The following NEMP2 variants were observed in gnomAD, a reference collection of about 807,000 sequenced individuals.
The protein encoded by NEMP2 is nuclear envelope integral membrane protein 2.
NEMP2 carries 53 observed loss-of-function variants against 54.2 expected under a neutral mutation model. The observed-to-expected ratio is 0.98, with a 90% CI of 0.78 to 1.23. NEMP2 has a LOEUF of 1.23. Ranked by LOEUF, NEMP2 falls within the 50% of genes most tolerant of loss-of-function variation. NEMP2 has a pLI of 0.00. For missense variants in NEMP2, 455 were observed against 511.3 expected (o/e 0.89, Z 1.06); for synonymous variants, 197 against 190.3 (o/e 1.04, Z -0.29).
upstream of NEMP2, chr2:190,536,047 G>A (rs1226127340): frequency 6.6e-6 from 1 of 152,192 alleles, no homozygotes; most frequent in African/African-American, 2.4e-5. Context: ...AAACAAAAGG[G>A]CAGGCAGCAA....
the NEMP2 span, among the ~76,000 whole-genome samples, chr2:190,634,077 AAAAAG>A: frequency 6.6e-6 from 1 of 152,254 alleles, no homozygotes; most frequent in Non-Finnish European, 1.5e-5. This position sits in a 1 kb window ranked among gnomAD's most constrained non-coding sequence, Gnocchi z 6.8. Context: ...GTGTCTTAAA[AAAAAG>A]AAAAGTATCA....
the NEMP2 span, among the ~76,000 whole-genome samples, chr2:190,643,730 C>A: frequency 6.6e-6 from 1 of 152,120 alleles, no homozygotes; most frequent in South Asian, 2.1e-4. Context: ...AGTTCGAGAC[C>A]AGTCTGGCCA....
In NEMP2 at chr2:190,507,258, T is replaced by C. The variant is rs1166534395; in HGVS notation, c.*1931A>G. 5 of 152,192 alleles carry C rather than the reference T, an allele frequency of 3.3e-5. No homozygotes were observed. The highest frequency in any genetic ancestry group is 3.3e-4 in the Admixed American group (5 of 15,274). The allele number at this position is 152,192 out of a possible 1,614,324, so 9.4% of individuals were successfully genotyped here. A position where few individuals can be genotyped will look rare whatever the true frequency, so the allele number is the denominator to read the frequency against. Reference sequence around the variant, plus strand: ...AGGACTGCTGTTGTTCTTCTCTCTTTGGCTGTTTTTACTGTGATGGTTACA... The same window carrying C: ...AGGACTGCTGTTGTTCTTCTCTCTTCGGCTGTTTTTACTGTGATGGTTACA... On this transcript the variant is annotated 3_prime_UTR_variant, in exon 9 of 9. Transcript: ENST00000409150. The surrounding 1 kb of genome is among the most constrained non-coding windows in gnomAD (Gnocchi z 4.4).
At chr2:190,460,493 A>G in the NEMP2 span, among the ~76,000 whole-genome samples, 1 of 152,200 alleles carries the variant, frequency 6.6e-6, no homozygotes, top group Non-Finnish European at 1.5e-5. Context: ...GTTAATTGAT[A>G]TTCTATTTGA....
chr2:190,629,837 AG>A, the NEMP2 span: 1 of 152,246 alleles, frequency 6.6e-6, no homozygotes, highest in Non-Finnish European at 1.5e-5. Context: ...TGCAGACAAA[AG>A]GAGAGCTTTT....
Position 190,525,314 on chromosome 2 carries a change from G to A in NEMP2, c.162C>T (p.Cys54=). The change falls in exon 2 of 9, where the codon TGC becomes TGT. Residue 54 remains cysteine (C), a synonymous_variant. Transcript: ENST00000409150. The surrounding 1 kb of genome is among the most constrained non-coding windows in gnomAD (Gnocchi z 5.0). ...LIRTSESDCY[C]YNQNSQVEWK... is the part of the protein sequence containing the mutation. ...ACTCCACTTGGGAATTTTGATTGTA[G>A]CAGTAACAGTCTGACTCAGACGTTC... The A allele has an allele frequency of 6.4e-7, 1 of 1,550,558 alleles. No individual in the cohort carries two copies. The highest frequency in any genetic ancestry group is 8.7e-7 in the Non-Finnish European group (1 of 1,146,270).
the NEMP2 span, among the ~76,000 whole-genome samples, chr2:190,494,353 A>T: frequency 3.3e-5 from 5 of 152,154 alleles, no homozygotes; most frequent in African/African-American, 4.8e-5. This position sits in a 1 kb window ranked among gnomAD's most constrained non-coding sequence, Gnocchi z 5.7. Flanking sequence ...TGAATCAGTA[A>T]TAAAAAAATT....
the NEMP2 span, among the ~76,000 whole-genome samples, chr2:190,565,343 C>A: frequency 2.4e-4 from 36 of 152,316 alleles, no homozygotes; most frequent in Admixed American, 1.0e-3. Context: ...AATCAGGGAA[C>A]TAACCCCTAG....
chr2:190,458,412 C>T, the NEMP2 span, among the ~76,000 whole-genome samples: 21,460 of 152,096 alleles, frequency 0.14, 1,713 homozygotes, highest in Middle Eastern at 0.21. The surrounding 1 kb of genome is among the most constrained non-coding windows in gnomAD (Gnocchi z 5.3). Context: ...TGTCTGCAAG[C>T]CAACGAGAGG....
the NEMP2 span, among the ~76,000 whole-genome samples, chr2:190,478,909 G>A: frequency 2.0e-5 from 3 of 152,024 alleles, no homozygotes; most frequent in African/African-American, 7.2e-5. Context: ...ACGAGAACTA[G>A]TACTGTCTAG....
chr2:190,552,617 G>A, the NEMP2 span, among the ~76,000 whole-genome samples: 14 of 152,142 alleles, frequency 9.2e-5, no homozygotes, highest in South Asian at 2.5e-3. Flanking sequence ...CTACTTGGGA[G>A]GCTGAGGCAG....
chr2:190,570,489 C>G, the NEMP2 span, among the ~76,000 whole-genome samples: 13 of 152,340 alleles, frequency 8.5e-5, no homozygotes, highest in Non-Finnish European at 1.6e-4. The surrounding 1 kb of genome is among the most constrained non-coding windows in gnomAD (Gnocchi z 5.4). Context: ...TTCCTTTCAG[C>G]TTTTGCTCTT....
At chr2:190,455,008 T>C in the NEMP2 span, among the ~76,000 whole-genome samples, 1 of 137,930 alleles carries the variant, frequency 7.3e-6, no homozygotes, top group Admixed American at 7.2e-5. Context: ...ATAATGTATA[T>C]GTATATGTAT....
In NEMP2 at chr2:190,510,388, A is replaced by G; in HGVS notation, c.1103T>C (p.Val368Ala). ...GCTAGGAGTGTGGAGTCTGGAGACG[A>G]CCAGCCATGAGGGAAAGTCGGGTTT... is the stretch of plus-strand genomic sequence containing the variant. Reference protein sequence around the residue: ...CRKPDFPSWLVVSRLHTPSKF... With the variant: ...CRKPDFPSWLAVSRLHTPSKF... Residue 368 changes from valine (V) to alanine (A), a missense_variant, in exon 8 of 9, where the codon GTC (valine) becomes GCC (alanine). Val to Ala is a moderately conservative substitution (Grantham distance 64). Around this residue, in one of 3 missense-constraint regions of NEMP2, gnomAD observed 294 missense variants for 333.6 expected, o/e 0.88. Transcript: ENST00000409150. The surrounding 1 kb of genome is among the most constrained non-coding windows in gnomAD (Gnocchi z 5.7). 1 of 1,551,682 alleles carries G rather than the reference A, an allele frequency of 6.4e-7. No homozygotes were observed. The highest frequency in any genetic ancestry group is 8.7e-7 in the Non-Finnish European group (1 of 1,146,978).
chr2:190,463,604 T>G, the NEMP2 span, among the ~76,000 whole-genome samples: 135 of 152,312 alleles, frequency 8.9e-4, 1 homozygote, highest in Middle Eastern at 6.8e-3. This position sits in a 1 kb window ranked among gnomAD's most constrained non-coding sequence, Gnocchi z 4.4. Flanking sequence ...GAGGATTGCT[T>G]GAGCCCAGGA....
At position 190,518,764 on chromosome 2, in the gene NEMP2, G is replaced by C; in HGVS notation, c.490C>G (p.Leu164Val). The C allele has an allele frequency of 6.5e-7, 1 of 1,542,920 alleles. No homozygotes were observed. The highest frequency in any genetic ancestry group is 1.2e-5 in the South Asian group (1 of 81,796). The change falls in exon 4 of 9, where the codon CTT becomes GTT. Residue 164 changes from leucine to valine, a missense_variant. By Grantham distance (32) the Leu-to-Val change is conservative. Coordinates refer to ENST00000409150, the MANE Select transcript of NEMP2 (RefSeq NM_001142645.2). ...CTCAGGGTCCTTGCATAAAAGAAAA[G>C]AAAAACTCCTGCCACAAACACAAGG... ...LFLVFVAGVF[L>V]FFYARTLSQS...
the NEMP2 span, among the ~76,000 whole-genome samples, chr2:190,615,848 A>G: frequency 2.6e-5 from 4 of 152,140 alleles, no homozygotes; most frequent in Admixed American, 2.6e-4. This position sits in a 1 kb window ranked among gnomAD's most constrained non-coding sequence, Gnocchi z 4.7. Context: ...TCTATTTCTT[A>G]TTATGGCACA....
chr2:190,520,912 A>AC lies in NEMP2; in HGVS notation c.214-1730dup, dbSNP rs1690731123. On this transcript the variant is annotated intron_variant, in intron 2 of 8. Coordinates refer to ENST00000409150, the MANE Select transcript of NEMP2 (RefSeq NM_001142645.2). The surrounding 1 kb of genome is among the most constrained non-coding windows in gnomAD (Gnocchi z 5.4). The stretch of plus-strand genomic sequence containing the variant: ...TAATATCCTCAATCTCTTTTTAGCC[A>AC]CCTAAACTCCATGATCAATTATTAT... Among the ~76,000 whole-genome samples the AC allele has an allele frequency of 6.6e-6, 1 of 151,880 alleles. No homozygotes were observed. Among genetic ancestry groups the AC allele is most frequent in the African/African-American group, 2.4e-5 (1 of 41,322 alleles).
chr2:190,497,423 A>C, the NEMP2 span: 1 of 1,606,590 alleles, frequency 6.2e-7, no homozygotes, highest in Admixed American at 1.7e-5. The surrounding 1 kb of genome is among the most constrained non-coding windows in gnomAD (Gnocchi z 5.2). Context: ...TAGTTTAAAC[A>C]TTCTTTTCTC....
Sources: gnomAD v4.1 joint callset for allele counts (sites outside exome capture counted in the v4.1 genomes callset) on GRCh38, gnomAD v4.1.1 for gene constraint, gnomAD v4.1.1 regional missense constraint, Gnocchi (gnomAD v3.1) non-coding constraint, MANE v1.5 for transcripts, NCBI Gene and HGNC (gene_info 2026-07-23, HGNC 2026-07-21) for gene names.